RBFOX1: variants seen among roughly 807,000 people sequenced by gnomAD.
RBFOX1 encodes the protein RNA binding protein fox-1 homolog 1.
Under a neutral mutation model 57.7 loss-of-function variants are expected in RBFOX1, and 8 were observed. That is an observed-to-expected ratio of 0.14 (90% CI 0.08 to 0.25). RBFOX1 has a LOEUF of 0.25. Ranked by LOEUF, RBFOX1 falls within the 10% of genes least tolerant of loss-of-function variation. RBFOX1 has a pLI of 1.00. For missense variants in RBFOX1, 611 were observed against 548.5 expected, an observed-to-expected ratio of 1.11 and a Z score of -1.14; for synonymous variants, 326 against 222.4, an observed-to-expected ratio of 1.47 and a Z score of -4.15.
chr16:5,246,340 A>G (rs1205776956), intron 1 of RBFOX1, among the ~76,000 whole-genome samples: 3 of 152,204 alleles, frequency 2.0e-5, no homozygotes, highest in Non-Finnish European at 2.9e-5. Context: ...AATTTATTGA[A>G]TTGACAAAAA....
chr16:7,378,003 A>C (rs2097715929), intron 4 of RBFOX1, among the ~76,000 whole-genome samples: 1 of 152,174 alleles, frequency 6.6e-6, no homozygotes, highest in Non-Finnish European at 1.5e-5. Context: ...AGAATGTGCA[A>C]AGTCTCTAAA....
At chr16:6,818,409 G>A (rs192239804) in intron 3 of RBFOX1, among the ~76,000 whole-genome samples, 7 of 152,034 alleles carry the variant, frequency 4.6e-5, no homozygotes, top group South Asian at 4.2e-4. Flanking sequence ...TTCATCTGAC[G>A]TACAGATCCA....
chr16:6,615,769 C>T (rs1023932039), intron 2 of RBFOX1, among the ~76,000 whole-genome samples: 11 of 152,154 alleles, frequency 7.2e-5, no homozygotes, highest in African/African-American at 2.7e-4. Context: ...TTCTCATGCA[C>T]GTGAGAAGTC....
At chr16:6,509,445 C>T (rs988398674) in intron 2 of RBFOX1, among the ~76,000 whole-genome samples, 4 of 152,112 alleles carry the variant, frequency 2.6e-5, no homozygotes. Flanking sequence ...GAAAGAGGAA[C>T]TTTGCATGTT....
intron 3 of RBFOX1, among the ~76,000 whole-genome samples, chr16:6,879,601 C>G (rs546489391): frequency 6.6e-6 from 1 of 152,318 alleles, no homozygotes; most frequent in South Asian, 2.1e-4. Flanking sequence ...CCAGTATCAT[C>G]CACTAAACAT....
At chr16:5,935,954 G>C (rs988084947) in intron 4 of RBFOX1, among the ~76,000 whole-genome samples, 1 of 152,094 alleles carries the variant, frequency 6.6e-6, no homozygotes, top group Non-Finnish European at 1.5e-5. Flanking sequence ...GAGGCCCTCA[G>C]GGCCTTCGTT....
chr16:5,998,943 T>C (rs1329659502), intron 4 of RBFOX1, among the ~76,000 whole-genome samples: 1 of 152,192 alleles, frequency 6.6e-6, no homozygotes. Flanking sequence ...CTATGGAACA[T>C]ACTGGACTAT....
intron 2 of RBFOX1, among the ~76,000 whole-genome samples, chr16:6,450,400 C>G (rs894449058): frequency 3.9e-5 from 6 of 151,928 alleles, no homozygotes; most frequent in African/African-American, 1.4e-4. Flanking sequence ...TAAGGAATAA[C>G]TGTGCTAATT....
chr16:6,660,387 C>G (rs190645692), intron 3 of RBFOX1, among the ~76,000 whole-genome samples: 2 of 152,016 alleles, frequency 1.3e-5, no homozygotes, highest in African/African-American at 4.8e-5. Flanking sequence ...CACATGTACC[C>G]CAGAACTAAA....
intron 3 of RBFOX1, among the ~76,000 whole-genome samples, chr16:6,859,959 G>C (rs1247343150): frequency 1.3e-5 from 2 of 152,192 alleles, no homozygotes; most frequent in Non-Finnish European, 2.9e-5. Context: ...AATAGTAAGT[G>C]AGAAGAATTT....
chr16:6,252,213 G>C (rs970794097), intron 1 of RBFOX1, among the ~76,000 whole-genome samples: 1 of 152,012 alleles, frequency 6.6e-6, no homozygotes, highest in Non-Finnish European at 1.5e-5. Flanking sequence ...AAAAGGCAGA[G>C]AGCCCTTCTG....
chr16:7,276,020 G>GA (rs1363599186), intron 4 of RBFOX1, among the ~76,000 whole-genome samples: 1 of 152,008 alleles, frequency 6.6e-6, no homozygotes. Context: ...ATTTCACTCA[G>GA]AAAAACATGA....
intron 3 of RBFOX1, among the ~76,000 whole-genome samples, chr16:6,810,676 G>T (rs1049987733): frequency 6.6e-6 from 1 of 152,110 alleles, no homozygotes; most frequent in Non-Finnish European, 1.5e-5. Flanking sequence ...TGGCTGGGAA[G>T]TCCTCTGGAA....
At chr16:7,255,996 C>G (rs1394148078) in intron 4 of RBFOX1, among the ~76,000 whole-genome samples, 1 of 152,104 alleles carries the variant, frequency 6.6e-6, no homozygotes, top group Admixed American at 6.6e-5. Flanking sequence ...AGTTTATTGT[C>G]TCCTTTTGTC....
At chr16:7,460,947 C>T (rs1282951787) in intron 4 of RBFOX1, among the ~76,000 whole-genome samples, 2 of 152,160 alleles carry the variant, frequency 1.3e-5, no homozygotes, top group Non-Finnish European at 2.9e-5. Flanking sequence ...GACCCATCAA[C>T]ATGGAATAAT....
At chr16:7,073,830 C>A (rs2057809901) in intron 4 of RBFOX1, among the ~76,000 whole-genome samples, 1 of 151,956 alleles carries the variant, frequency 6.6e-6, no homozygotes, top group Non-Finnish European at 1.5e-5. Context: ...GCACTCCAGC[C>A]TGGGTGACAG....
chr16:5,254,580 C>G (rs1404028153), intron 1 of RBFOX1, among the ~76,000 whole-genome samples: 1 of 152,192 alleles, frequency 6.6e-6, no homozygotes, highest in Non-Finnish European at 1.5e-5. Context: ...TCTTGACTGC[C>G]TCTCTCTTAC....
intron 5 of RBFOX1, among the ~76,000 whole-genome samples, chr16:7,539,391 C>T (rs1227949641): frequency 6.6e-6 from 1 of 152,086 alleles, no homozygotes; most frequent in Non-Finnish European, 1.5e-5. Flanking sequence ...TCTCTCTATT[C>T]CCAGTGCAGC....
At chr16:7,705,132 A>T (rs938933439) in intron 14 of RBFOX1, among the ~76,000 whole-genome samples, 1 of 152,238 alleles carries the variant, frequency 6.6e-6, no homozygotes, top group South Asian at 2.1e-4. Context: ...TTGAAACATA[A>T]AAGATGAAAG....
Sources: allele counts gnomAD v4.1 joint callset (sites outside exome capture counted in the v4.1 genomes callset), GRCh38; gene constraint gnomAD v4.1.1; transcripts MANE v1.5; gene names NCBI Gene and HGNC (gene_info 2026-07-23, HGNC 2026-07-21).